HHIP: variants seen among roughly 807,000 people sequenced by gnomAD.
HHIP encodes the protein hedgehog interacting protein.
A neutral mutation model predicts 74.0 loss-of-function variants in HHIP; 12 were observed. The ratio of observed to expected loss-of-function variants is 0.16; its 90% CI spans 0.10 to 0.26. HHIP has a LOEUF of 0.26. HHIP is among the 10% of genes least tolerant of loss of function. The pLI is 1.00. For missense variants in HHIP, 788 were observed against 845.0 expected, an observed-to-expected ratio of 0.93 and a Z score of 0.84; for synonymous variants, 309 against 311.6, an observed-to-expected ratio of 0.99 and a Z score of 0.09.
intron 4 of HHIP, among the ~76,000 whole-genome samples, chr4:144,680,955 C>T (rs1158275993): frequency 1.3e-5 from 2 of 152,066 alleles, no homozygotes; most frequent in Non-Finnish European, 2.9e-5. Flanking sequence ...TTTATCTCTA[C>T]CAAGGAATAG....
At chr4:144,715,211 T>C (rs1578719254) in intron 9 of HHIP, 89 bp from the exon 10 acceptor site, 1 of 1,283,894 alleles carries the variant, frequency 7.8e-7, no homozygotes, top group East Asian at 2.4e-5. Context: ...AAGCAATTGT[T>C]TGTTATGAAT....
chr4:144,743,713 A>C lies in HHIP; in HGVS notation c.*5756A>C, dbSNP rs1731322000. On this transcript the variant is annotated 3_prime_UTR_variant, in exon 13 of 13. Transcript: ENST00000296575. ...TATAATCTTCTAAGTCAAAAAGAAAACATTTAAGTACATAATATAAAAAGA... is the reference window on the plus strand; with the variant it reads ...TATAATCTTCTAAGTCAAAAAGAAACCATTTAAGTACATAATATAAAAAGA... 6.6e-6 allele frequency: 1 copy of C among 152,246 alleles called. No individual in the cohort carries two copies. The highest frequency in any genetic ancestry group is 2.4e-5 in the African/African-American group (1 of 41,586). 9.4% of individuals were successfully genotyped at this position (152,246 alleles called of 1,614,324 possible). A position where few individuals can be genotyped will look rare whatever the true frequency, so the allele number is the denominator to read the frequency against.
chr4:144,706,475 CA>C lies in HHIP; in HGVS notation c.832-55del. 2.9e-6 allele frequency: 4 copies of C among 1,386,864 alleles called. No individual in the cohort carries two copies. In the South Asian group the frequency reaches 6.5e-5, roughly 22 times the overall value. The allele number at this position is 1,386,864 out of a possible 1,614,324, so 85.9% of individuals were successfully genotyped here. ...GACTCTTTTGGGGTTCCAGTTGAAA[CA>C]CAATAAAGAACATAATTAACTTTAC... On this transcript the variant is annotated intron_variant, in intron 4 of 12. Coordinates refer to ENST00000296575, the MANE Select transcript of HHIP (RefSeq NM_022475.3).
chr4:144,667,119 C>A (rs1484672863), intron 4 of HHIP, among the ~76,000 whole-genome samples: 1 of 152,134 alleles, frequency 6.6e-6, no homozygotes, highest in Non-Finnish European at 1.5e-5. Context: ...GAGGCTGAAG[C>A]AGGAAAATCA....
intron 4 of HHIP, among the ~76,000 whole-genome samples, chr4:144,680,917 C>A (rs1458538523): frequency 6.6e-6 from 1 of 152,062 alleles, no homozygotes; most frequent in Non-Finnish European, 1.5e-5. Context: ...TATTGACCTG[C>A]AAAATACTAA....
chr4:144,653,972 G>T (rs1006206756), intron 2 of HHIP, among the ~76,000 whole-genome samples: 1 of 152,102 alleles, frequency 6.6e-6, no homozygotes. Flanking sequence ...ATAGGTCACG[G>T]TTGCCTAGAT....
Position 144,738,463 on chromosome 4 carries a change from T to C in HHIP, c.*506T>C. The C allele has an allele frequency of 1.0e-6, 1 of 980,682 alleles. No individual in the cohort carries two copies. Among genetic ancestry groups the C allele is most frequent in the Non-Finnish European group, 1.2e-6 (1 of 825,230 alleles). 60.7% of individuals were successfully genotyped at this position (980,682 alleles called of 1,614,324 possible). A position where few individuals can be genotyped will look rare whatever the true frequency, so the allele number is the denominator to read the frequency against. On this transcript the variant is annotated 3_prime_UTR_variant, in exon 13 of 13. Coordinates refer to ENST00000296575, the MANE Select transcript of HHIP (RefSeq NM_022475.3). ...ATGAATTTCTAAGTGAGCAACTTGA[T>C]ATAAAATTGTAATCTTCATTTTTGT...
chr4:144,717,911 A>T (rs1466989271), intron 10 of HHIP, among the ~76,000 whole-genome samples: 1 of 152,214 alleles, frequency 6.6e-6, no homozygotes, highest in Non-Finnish European at 1.5e-5. Flanking sequence ...GATAACTGAC[A>T]TGTATCAATC....
At chr4:144,718,251 G>T (rs952534639) in intron 10 of HHIP, among the ~76,000 whole-genome samples, 4 of 152,084 alleles carry the variant, frequency 2.6e-5, no homozygotes, top group South Asian at 2.1e-4. Context: ...CTTGAAGAAG[G>T]GGGGAAAAAA....
chr4:144,664,210 G>C (rs933911293), intron 4 of HHIP, among the ~76,000 whole-genome samples: 5 of 152,184 alleles, frequency 3.3e-5, no homozygotes, highest in African/African-American at 1.2e-4. Flanking sequence ...TTAACCAGGG[G>C]AGGAGAGGAC....
chr4:144,701,798 C>G lies in HHIP; in HGVS notation c.832-4733C>G, dbSNP rs149429157. On this transcript the variant is annotated intron_variant, in intron 4 of 12. Transcript: ENST00000296575. Reference sequence around the variant, plus strand: ...GTGGATGACTGAACTTGAAGTCAGCCACTTACCAAAAGGTCACTAAGAAAA... The same window carrying G: ...GTGGATGACTGAACTTGAAGTCAGCGACTTACCAAAAGGTCACTAAGAAAA... Among the ~76,000 whole-genome samples the G allele has an allele frequency of 1.1e-4, 17 of 152,244 alleles. No individual in the cohort carries two copies. In the East Asian group the frequency reaches 2.7e-3, roughly 24 times the overall value.
At chr4:144,687,566 G>T (rs1729525296) in intron 4 of HHIP, among the ~76,000 whole-genome samples, 1 of 151,992 alleles carries the variant, frequency 6.6e-6, no homozygotes, top group Non-Finnish European at 1.5e-5. Flanking sequence ...AGCCTTATGT[G>T]GGAAAAGGAA....
At chr4:144,660,975 T>A (rs1728697948) in intron 4 of HHIP, among the ~76,000 whole-genome samples, 1 of 152,188 alleles carries the variant, frequency 6.6e-6, no homozygotes, top group Admixed American at 6.5e-5. Flanking sequence ...AGAGAACTGA[T>A]ATTAATATTA....
intron 4 of HHIP, among the ~76,000 whole-genome samples, chr4:144,684,232 ATTTTTTTTTTTTTTTTTTTTTTTTTTTTT>A (rs1174297815): frequency 3.7e-4 from 23 of 63,008 alleles, no homozygotes; most frequent in African/African-American, 5.6e-4. Context: ...AAAAAAAAGA[ATTTTTTTTTTTTTTTTTTTTTTTTTTTTT>A]TTTTTTTTTT....
chr4:144,738,747 T>C lies in HHIP; in HGVS notation c.*790T>C. The C allele has an allele frequency of 1.2e-6, 1 of 833,110 alleles. No individual in the cohort carries two copies. The highest frequency in any genetic ancestry group is 1.4e-6 in the Non-Finnish European group (1 of 690,828). 51.6% of individuals were successfully genotyped at this position (833,110 alleles called of 1,614,324 possible). A position where few individuals can be genotyped will look rare whatever the true frequency, so the allele number is the denominator to read the frequency against. ...TCACCTAGATGAAACACCTTTACCC[T>C]GTCCTGTAAAACACTAAAGTTACAT... is the stretch of plus-strand genomic sequence containing the variant. On this transcript the variant is annotated 3_prime_UTR_variant, in exon 13 of 13. Coordinates refer to ENST00000296575, the MANE Select transcript of HHIP (RefSeq NM_022475.3).
At chr4:144,649,227 T>A (rs1329698138) in intron 1 of HHIP, among the ~76,000 whole-genome samples, 1 of 143,254 alleles carries the variant, frequency 7.0e-6, no homozygotes, top group African/African-American at 2.5e-5. Flanking sequence ...CCTTTTTTGT[T>A]TATGGAAGAA....
intron 2 of HHIP, among the ~76,000 whole-genome samples, chr4:144,655,970 TA>T (rs1465590901): frequency 6.6e-6 from 1 of 151,732 alleles, no homozygotes; most frequent in African/African-American, 2.4e-5. Context: ...GATCAGAACT[TA>T]AAAAAAATAC....
intron 10 of HHIP, among the ~76,000 whole-genome samples, chr4:144,716,140 A>G (rs569629126): frequency 6.6e-6 from 1 of 152,364 alleles, no homozygotes; most frequent in South Asian, 2.1e-4. Flanking sequence ...AAAAAATAAT[A>G]TTCAAACAAA....
In HHIP at chr4:144,724,719, CAT is replaced by C. The variant is rs201504149; in HGVS notation, c.1760+5778_1760+5779del. On this transcript the variant is annotated intron_variant, in intron 11 of 12. Transcript: ENST00000296575. ...ATAAGTATATATATATGTATGTATG[CAT>C]ATATATATATATATCCCATTTCCTG... Among the ~76,000 whole-genome samples the C allele has an allele frequency of 9.8e-4, 135 of 138,310 alleles. 2 individuals are homozygous for C. The highest frequency in any genetic ancestry group is 9.2e-4 in the South Asian group (4 of 4,336). 90.7% of individuals were successfully genotyped at this position (138,310 alleles called of 152,430 possible). A position where few individuals can be genotyped will look rare whatever the true frequency, so the allele number is the denominator to read the frequency against.
Sources: gnomAD v4.1 joint callset for allele counts (sites outside exome capture counted in the v4.1 genomes callset) on GRCh38, gnomAD v4.1.1 for gene constraint, MANE v1.5 for transcripts, NCBI Gene and HGNC (gene_info 2026-07-23, HGNC 2026-07-21) for gene names.